Variants in FMN1 observed in about 807,000 individuals in gnomAD.
FMN1 encodes the protein formin-1.
A neutral mutation model predicts 132.4 loss-of-function variants in FMN1; 110 were observed. The ratio of observed to expected loss-of-function variants is 0.83; its 90% CI spans 0.71 to 0.97. The LOEUF (loss-of-function observed/expected upper bound fraction) is 0.97, where lower values mean the gene tolerates loss of function less well. FMN1 is among the 50% of genes least tolerant of loss of function. The pLI is 0.00. For missense variants in FMN1, 1,792 were observed against 1,705.3 expected (o/e 1.05, Z -0.90); for synonymous variants, 722 against 651.7 (o/e 1.11, Z -1.64).
intron 4 of FMN1, among the ~76,000 whole-genome samples, chr15:33,111,408 A>C (rs2039699088): frequency 3.3e-5 from 5 of 152,152 alleles, no homozygotes; most frequent in Admixed American, 3.3e-4. Context: ...AGCTCCAGAA[A>C]ACAGTCTTGG....
At chr15:33,041,449 C>A (rs2036432692) in intron 6 of FMN1, among the ~76,000 whole-genome samples, 1 of 123,184 alleles carries the variant, frequency 8.1e-6, no homozygotes, top group Admixed American at 9.2e-5. Flanking sequence ...TTTCAGCTTT[C>A]TTTCGACGTT....
intron 6 of FMN1, among the ~76,000 whole-genome samples, chr15:33,017,763 C>T (rs963559719): frequency 6.6e-6 from 1 of 152,150 alleles, no homozygotes; most frequent in African/African-American, 2.4e-5. Context: ...TGTTTGTGTC[C>T]TACTAAAATC....
chr15:33,039,679 C>G (rs1393789852), intron 6 of FMN1, among the ~76,000 whole-genome samples: 2 of 152,092 alleles, frequency 1.3e-5, no homozygotes, highest in Non-Finnish European at 2.9e-5. Flanking sequence ...ATAGCCCTGA[C>G]AATAGGCTTA....
chr15:33,018,715 G>A (rs776478784), intron 6 of FMN1, among the ~76,000 whole-genome samples: 17 of 151,926 alleles, frequency 1.1e-4, no homozygotes, highest in African/African-American at 3.6e-4. Flanking sequence ...TGACTGTTAC[G>A]GTTCTTAAAG....
At chr15:32,986,743 G>C (rs1010991322) in intron 7 of FMN1, among the ~76,000 whole-genome samples, 7 of 152,018 alleles carry the variant, frequency 4.6e-5, no homozygotes, top group Non-Finnish European at 1.0e-4. Context: ...ATCTCATTTT[G>C]ACTTGATTCT....
At chr15:32,924,141 A>C (rs1021333776) in intron 10 of FMN1, among the ~76,000 whole-genome samples, 1 of 152,090 alleles carries the variant, frequency 6.6e-6, no homozygotes, top group East Asian at 1.9e-4. Context: ...CTTCTGGAAG[A>C]TCTAACTTGA....
intron 4 of FMN1, among the ~76,000 whole-genome samples, chr15:33,119,150 T>C (rs1187790906): frequency 2.0e-5 from 3 of 152,102 alleles, no homozygotes; most frequent in Non-Finnish European, 4.4e-5. Context: ...GAGAGAAACT[T>C]CTATTCTGAT....
At chr15:33,105,508 G>T (rs1484326621) in intron 4 of FMN1, among the ~76,000 whole-genome samples, 5 of 152,054 alleles carry the variant, frequency 3.3e-5, no homozygotes, top group African/African-American at 9.7e-5. Context: ...CTTCACCAAA[G>T]AATCCAGACC....
Position 32,902,032 on chromosome 15 carries a change from T to C in FMN1, c.3386A>G (p.His1129Arg), listed in dbSNP as rs199507823. Residue 1129 changes from histidine to arginine, a missense_variant, in exon 13 of 21, where the codon CAT (histidine) becomes CGT (arginine). His to Arg is a conservative substitution (Grantham distance 29). Transcript: ENST00000616417. ...KLLDKPEQFL[H>R]ELAQIPNFAE... ...AAAATTAGGAATCTGGGCTAACTCA[T>C]GTAAAAATCTGTAAAAAAGAAAATG... 69 of 1,604,922 alleles carry C rather than the reference T, an allele frequency of 4.3e-5. No homozygotes were observed. Among genetic ancestry groups the C allele is most frequent in the South Asian group, 5.6e-5 (5 of 88,668 alleles).
intron 19 of FMN1, among the ~76,000 whole-genome samples, chr15:32,796,640 T>C (rs1039105584): frequency 3.9e-5 from 6 of 152,230 alleles, no homozygotes; most frequent in African/African-American, 1.4e-4. Flanking sequence ...GTTAATTTGC[T>C]TATTTTACCA....
At chr15:33,016,562 G>GA (rs2035056836) in intron 6 of FMN1, among the ~76,000 whole-genome samples, 1 of 152,186 alleles carries the variant, frequency 6.6e-6, no homozygotes, top group Non-Finnish European at 1.5e-5. Flanking sequence ...GAAGTAAAGA[G>GA]AAAGTAGTCA....
chr15:32,858,765 T>C (rs1168862195), intron 16 of FMN1, among the ~76,000 whole-genome samples: 2 of 152,240 alleles, frequency 1.3e-5, no homozygotes, highest in East Asian at 3.8e-4. Flanking sequence ...ATTTAAAACA[T>C]TCATTTTTTC....
At chr15:32,971,003 G>A (rs779442187) in intron 7 of FMN1, among the ~76,000 whole-genome samples, 6 of 152,308 alleles carry the variant, frequency 3.9e-5, no homozygotes, top group Non-Finnish European at 7.3e-5. Context: ...GTGCAGTGCA[G>A]AGCGCTGAGT....
rs1318996666 is a variant in FMN1, at chr15:33,151,440, T to C, written c.1867+1608A>G. The C allele has an allele frequency of 2.0e-5, 30 of 1,511,838 alleles. No individual in the cohort carries two copies. The Admixed American group carries it at 5.9e-4, about 30-fold the overall frequency. The allele number at this position is 1,511,838 out of a possible 1,614,324, so 93.7% of individuals were successfully genotyped here. A position where few individuals can be genotyped will look rare whatever the true frequency, so the allele number is the denominator to read the frequency against. On this transcript the variant is annotated intron_variant, in intron 4 of 20. Transcript: ENST00000616417. ...ACGGAGAGGCCAAAGGAACATGTGA[T>C]CATCCATTCACCTTGTCACTCAGTG... is the stretch of plus-strand genomic sequence containing the variant.
chr15:33,082,019 G>C (rs2038481991), intron 5 of FMN1, among the ~76,000 whole-genome samples: 1 of 125,228 alleles, frequency 8.0e-6, no homozygotes. Flanking sequence ...AAGAGTTCAG[G>C]GGTGTGTGTG....
intron 2 of FMN1, among the ~76,000 whole-genome samples, chr15:33,191,054 C>G (rs1278843967): frequency 2.0e-5 from 3 of 151,976 alleles, no homozygotes; most frequent in Non-Finnish European, 1.5e-5. Context: ...CCTGTAGACC[C>G]AGCTATTCAG....
intron 9 of FMN1, among the ~76,000 whole-genome samples, chr15:32,941,394 G>C (rs1456547004): frequency 2.6e-5 from 4 of 152,138 alleles, no homozygotes; most frequent in Admixed American, 2.6e-4. Flanking sequence ...CCTTTGGGTT[G>C]GCCCAGAAGT....
intron 17 of FMN1, among the ~76,000 whole-genome samples, chr15:32,836,186 G>A (rs1337268474): frequency 6.6e-6 from 1 of 152,096 alleles, no homozygotes; most frequent in Non-Finnish European, 1.5e-5. Flanking sequence ...CTCACTAGCA[G>A]CCTTGTGCTT....
intron 20 of FMN1, among the ~76,000 whole-genome samples, chr15:32,775,911 G>T (rs1281834508): frequency 1.3e-5 from 2 of 152,174 alleles, no homozygotes; most frequent in Non-Finnish European, 2.9e-5. Context: ...TGAAAAATCC[G>T]AGAGAGGAGG....
Sources: allele counts gnomAD v4.1 joint callset (sites outside exome capture counted in the v4.1 genomes callset), GRCh38; gene constraint gnomAD v4.1.1; transcripts MANE v1.5; gene names NCBI Gene and HGNC (gene_info 2026-07-23, HGNC 2026-07-21).